Variants in GALNTL6 observed in about 807,000 individuals in gnomAD.
GALNTL6 encodes the protein polypeptide N-acetylgalactosaminyltransferase-like 6.
In GALNTL6, 46 loss-of-function variants were observed where a neutral mutation model predicts 73.7. The ratio of observed to expected loss-of-function variants is 0.62; its 90% CI spans 0.49 to 0.80. The LOEUF is 0.80. GALNTL6 is among the 30% of genes least tolerant of loss of function. GALNTL6 has a pLI of 0.00. For synonymous variants in GALNTL6, 259 were observed against 263.7 expected, an observed-to-expected ratio of 0.98 and a Z score of 0.17; for missense variants, 604 against 755.0, an observed-to-expected ratio of 0.80 and a Z score of 2.34.
At chr4:172,423,408 T>C (rs1295153520) in intron 5 of GALNTL6, among the ~76,000 whole-genome samples, 1 of 152,012 alleles carries the variant, frequency 6.6e-6, no homozygotes, top group Non-Finnish European at 1.5e-5. Context: ...CTCTGACAAC[T>C]CTTCCCCTCA....
chr4:172,431,546 T>C (rs551853097), intron 5 of GALNTL6, among the ~76,000 whole-genome samples: 1 of 152,244 alleles, frequency 6.6e-6, no homozygotes, highest in Admixed American at 6.5e-5. Flanking sequence ...TGTAAGAATG[T>C]TAATGGAAGT....
chr4:172,544,957 T>C (rs768188322), intron 5 of GALNTL6, among the ~76,000 whole-genome samples: 3 of 152,202 alleles, frequency 2.0e-5, no homozygotes, highest in African/African-American at 4.8e-5. Flanking sequence ...TTCTGCAAAT[T>C]ATCCCAGGTT....
chr4:172,207,765 C>T (rs1334786199), intron 2 of GALNTL6, among the ~76,000 whole-genome samples: 1 of 152,142 alleles, frequency 6.6e-6, no homozygotes, highest in East Asian at 1.9e-4. Flanking sequence ...CAAATTCTCT[C>T]TAATGGGGTT....
rs571493613 is a variant in GALNTL6, at chr4:172,165,972, TA to T, written c.139-63677del. ...GTATACAAACAAGAATCCACTGCATTAAAAAAATAAATTCTGTTAAAAATTC... is the reference window on the plus strand; with the variant it reads ...GTATACAAACAAGAATCCACTGCATTAAAAAATAAATTCTGTTAAAAATTC... On this transcript the variant is annotated intron_variant, in intron 2 of 12. Coordinates refer to ENST00000506823, the MANE Select transcript of GALNTL6 (RefSeq NM_001034845.3). 4.4e-3 allele frequency among the ~76,000 whole-genome samples: 663 copies of T among 152,140 alleles called. 2 individuals carry two copies. The highest frequency in any genetic ancestry group is 7.7e-3 in the Non-Finnish European group (521 of 67,978).
chr4:172,846,563 T>C (rs985634723), intron 7 of GALNTL6, among the ~76,000 whole-genome samples: 3 of 152,150 alleles, frequency 2.0e-5, no homozygotes, highest in Non-Finnish European at 4.4e-5. Context: ...TTTTGTAATA[T>C]GGCAAAGAAA....
intron 10 of GALNTL6, among the ~76,000 whole-genome samples, chr4:172,999,463 A>C (rs576368735): frequency 7.1e-4 from 108 of 152,346 alleles, no homozygotes; most frequent in African/African-American, 2.6e-3. Context: ...CAAAGGAGAA[A>C]TATCTACAGG....
At chr4:172,841,856 C>T (rs1049917210) in intron 7 of GALNTL6, among the ~76,000 whole-genome samples, 1 of 152,198 alleles carries the variant, frequency 6.6e-6, no homozygotes, top group African/African-American at 2.4e-5. Flanking sequence ...CTCTTATTCT[C>T]TAGCATCCTA....
At chr4:172,587,505 T>A (rs1737458655) in intron 5 of GALNTL6, among the ~76,000 whole-genome samples, 1 of 152,174 alleles carries the variant, frequency 6.6e-6, no homozygotes, top group Non-Finnish European at 1.5e-5. Flanking sequence ...CAGAACTCCT[T>A]GGATTTGTAA....
chr4:172,975,049 C>G (rs1750744498), intron 10 of GALNTL6, among the ~76,000 whole-genome samples: 1 of 152,212 alleles, frequency 6.6e-6, no homozygotes, highest in Non-Finnish European at 1.5e-5. Flanking sequence ...TGGTTGCCCC[C>G]ACGTGGCAAG....
At chr4:171,937,762 A>G (rs533059807) in intron 2 of GALNTL6, among the ~76,000 whole-genome samples, 2 of 152,194 alleles carry the variant, frequency 1.3e-5, no homozygotes, top group African/African-American at 4.8e-5. Context: ...AAAGTAGCGA[A>G]GTAAATGGAG....
chr4:172,582,299 T>G (rs1737221486), intron 5 of GALNTL6, among the ~76,000 whole-genome samples: 2 of 152,216 alleles, frequency 1.3e-5, no homozygotes, highest in Non-Finnish European at 1.5e-5. Flanking sequence ...TTGGGCAGGT[T>G]ATTTAAACTT....
intron 8 of GALNTL6, among the ~76,000 whole-genome samples, chr4:172,894,094 G>A (rs1367691810): frequency 6.6e-6 from 1 of 152,034 alleles, no homozygotes; most frequent in Non-Finnish European, 1.5e-5. Flanking sequence ...AAAGTGTGAT[G>A]GTTTACTCAA....
rs534491465 is a variant in GALNTL6, at chr4:172,585,828, C to T, written c.554-223533C>T. On this transcript the variant is annotated intron_variant, in intron 5 of 12. Coordinates refer to ENST00000506823, the MANE Select transcript of GALNTL6 (RefSeq NM_001034845.3). ...AATTTACAAGAAAAAAACAAAGAAC[C>T]CCATCAAAAAATGGGCAAAAGATAT... Among the ~76,000 whole-genome samples, 11 of 151,812 alleles carry T rather than the reference C, an allele frequency of 7.2e-5. No homozygotes were observed. The East Asian group carries it at 2.1e-3, about 29-fold the overall frequency.
intron 2 of GALNTL6, among the ~76,000 whole-genome samples, chr4:172,111,559 AT>A (rs1732851512): frequency 6.6e-6 from 1 of 151,956 alleles, no homozygotes; most frequent in African/African-American, 2.4e-5. Context: ...TTTTGTACAA[AT>A]TTTTACTATA....
intron 5 of GALNTL6, among the ~76,000 whole-genome samples, chr4:172,369,588 C>T (rs957273782): frequency 5.9e-5 from 9 of 152,168 alleles, no homozygotes; most frequent in African/African-American, 1.9e-4. Flanking sequence ...TTGGGCATGG[C>T]GGGCTGCAGG....
rs1553970653 is a variant in GALNTL6, at chr4:171,924,215, A to AAACAC, written c.138+109498_138+109499insACACA. ...ACACACACACACACACACACACACA[A>AAACAC]ACACACACACACAGAGTTTGTCCAG... On this transcript the variant is annotated intron_variant, in intron 2 of 12. Transcript: ENST00000506823. Among the ~76,000 whole-genome samples the AAACAC allele has an allele frequency of 4.1e-3, 492 of 118,678 alleles. 5 individuals carry two copies. Among genetic ancestry groups the AAACAC allele is most frequent in the African/African-American group, 0.015 (473 of 31,928 alleles). 77.9% of individuals were successfully genotyped at this position (118,678 alleles called of 152,430 possible).
intron 2 of GALNTL6, among the ~76,000 whole-genome samples, chr4:171,965,881 G>GT (rs142161725): frequency 0.025 from 3,854 of 152,182 alleles, 148 homozygotes; most frequent in African/African-American, 0.088. Context: ...AAGACTAATG[G>GT]TCTAAACTGA....
At chr4:172,770,294 A>AATAAATAT (rs1341687714) in intron 5 of GALNTL6, among the ~76,000 whole-genome samples, 1 of 151,192 alleles carries the variant, frequency 6.6e-6, no homozygotes, top group Non-Finnish European at 1.5e-5. Context: ...TAAATAAATA[A>AATAAATAT]ATAAATAAGC....
intron 5 of GALNTL6, among the ~76,000 whole-genome samples, chr4:172,490,883 G>T (rs189639922): frequency 6.6e-6 from 1 of 152,222 alleles, no homozygotes; most frequent in African/African-American, 2.4e-5. Flanking sequence ...GACTTCGATA[G>T]CCCGTTCATT....
Sources: allele counts gnomAD v4.1 joint callset (sites outside exome capture counted in the v4.1 genomes callset), GRCh38; gene constraint gnomAD v4.1.1; transcripts MANE v1.5; gene names NCBI Gene and HGNC (gene_info 2026-07-23, HGNC 2026-07-21).